Variants in PROSER3 observed in about 807,000 individuals in gnomAD.
The protein encoded by PROSER3 is proline and serine-rich protein 3.
In PROSER3, 33 loss-of-function variants were observed where a neutral mutation model predicts 50.2. The ratio of observed to expected loss-of-function variants is 0.66; its 90% confidence interval spans 0.50 to 0.88. The LOEUF is 0.88. Among genes scored for constraint, PROSER3 ranks in the 40% least tolerant of loss-of-function variants. The pLI is 0.00. For missense variants in PROSER3, 623 were observed against 612.7 expected (o/e 1.02, Z -0.18); for synonymous variants, 266 against 259.3 (o/e 1.03, Z -0.25).
At chr19:35,758,303 G>A in intron 1 of PROSER3, 77 bp downstream of exon 1, 1 of 1,499,124 alleles carries the variant, frequency 6.7e-7, no homozygotes. Context: ...CCTAGGACGG[G>A]CTGGATACGG....
chr19:35,768,153 A>G lies in PROSER3; in HGVS notation c.1220-2A>G. ...GAGCTCATTCTTTTCTCCCCGGCCC[A>G]GACTCCGACGGCAGCGAGTTCCAGG... On this transcript the variant is annotated splice_acceptor_variant, in intron 9 of 10. Transcript: ENST00000396908. LOFTEE classifies it high-confidence loss of function. The G allele has an allele frequency of 1.2e-6, 2 of 1,612,866 alleles. 1 individual carries two copies. Among genetic ancestry groups the G allele is most frequent in the South Asian group, 2.2e-5 (2 of 90,930 alleles).
At chr19:35,767,797 G>GGCCAAGGCCGAGTCTCTGAAA in intron 8 of PROSER3, 2 of 1,608,804 alleles carry the variant, frequency 1.2e-6, no homozygotes, top group Non-Finnish European at 1.7e-6. Context: ...CCCAGTGTCG[G>GGCCAAGGCCGAGTCTCTGAAA]GCCAAGGCCG....
rs1394962306 is a variant in PROSER3, at chr19:35,761,956, ATTATTC to A, written c.312-57_312-52del. The A allele has an allele frequency of 2.0e-5, 30 of 1,492,496 alleles. 1 individual carries two copies. The highest frequency in any genetic ancestry group is 1.9e-4 in the South Asian group (14 of 72,394). The allele number at this position is 1,492,496 out of a possible 1,614,324, so 92.5% of individuals were successfully genotyped here. ...TGCTTGGTAAACGTTGGCTGCTATA[ATTATTC>A]TTATTATTATTTGGCTCTCCTCACT... On this transcript the variant is annotated intron_variant, in intron 3 of 10. Transcript: ENST00000396908.
At chr19:35,760,115 G>C (rs1045831536) in intron 3 of PROSER3, 124 bp downstream of exon 3, 6 of 1,061,382 alleles carry the variant, frequency 5.7e-6, no homozygotes, top group Non-Finnish European at 8.0e-6. Context: ...GGCAGTTTAT[G>C]TGTGTTAAGA....
At chr19:35,767,907 C>G in exon 9 of PROSER3, 1 of 1,612,866 alleles carries the variant, frequency 6.2e-7, no homozygotes, top group Non-Finnish European at 8.5e-7. Flanking sequence ...CCCGAGGTCC[C>G]ACTCTCTCCA....
At chr19:35,767,498 CT>C in intron 8 of PROSER3, 1 of 422,014 alleles carries the variant, frequency 2.4e-6, no homozygotes, top group Non-Finnish European at 4.3e-6. Flanking sequence ...CCCCCAGGGC[CT>C]GCCCATCCCT....
At chr19:35,768,830 C>G (rs1351188642) in exon 11 of PROSER3, 4 of 275,208 alleles carry the variant, frequency 1.5e-5, no homozygotes, top group Non-Finnish European at 2.0e-5. Context: ...CTCAGGAGCC[C>G]TGGCTCAAAT....
chr19:35,767,588 G>C (rs539127094), intron 8 of PROSER3: 3 of 600,044 alleles, frequency 5.0e-6, no homozygotes, highest in Non-Finnish European at 8.7e-6. Flanking sequence ...AGAGGCTGCC[G>C]AGCAAGTCCC....
Position 35,767,911 on chromosome 19 carries a change from C to CTT in PROSER3, c.1066_1067insTT (p.Ser356PhefsTer68). 6.2e-7 allele frequency: 1 copy of CTT among 1,612,840 alleles called. No homozygotes were observed. Among genetic ancestry groups the CTT allele is most frequent in the Non-Finnish European group, 8.5e-7 (1 of 1,179,722 alleles). ...CCTGCCTGCAGCCCGAGGTCCCACT[C>CTT]TCTCCAGCTGAGCAGGCAACCACAG... is the stretch of plus-strand genomic sequence containing the variant. On this transcript the variant is annotated frameshift_variant, in exon 9 of 11. Coordinates refer to ENST00000396908, the Ensembl canonical transcript of PROSER3. LOFTEE classifies it high-confidence loss of function.
chr19:35,761,993 C>G (rs1419978242), intron 3 of PROSER3, 26 bp from the exon 4 acceptor site: 1 of 1,564,506 alleles, frequency 6.4e-7, no homozygotes, highest in Non-Finnish European at 8.7e-7. Flanking sequence ...TCACTCCACT[C>G]ACCTCCTATC....
intron 5 of PROSER3, 51 bp downstream of exon 5, chr19:35,762,407 G>A: frequency 6.8e-7 from 1 of 1,468,488 alleles, no homozygotes; most frequent in South Asian, 1.2e-5. Context: ...GACAACACCA[G>A]CCCTAGGACA....
At chr19:35,766,981 G>C in intron 8 of PROSER3, 26 bp downstream of exon 8, 1 of 1,534,358 alleles carries the variant, frequency 6.5e-7, no homozygotes, top group Non-Finnish European at 8.8e-7. Flanking sequence ...GAGGAGCCTG[G>C]GGGGAGCTGG....
At chr19:35,764,029 C>T (rs955806106) in intron 5 of PROSER3, among the ~76,000 whole-genome samples, 47 of 151,798 alleles carry the variant, frequency 3.1e-4, no homozygotes, top group Non-Finnish European at 5.4e-4. Context: ...CTCAAGCAAT[C>T]TTCCTGCCTC....
downstream of PROSER3, among the ~76,000 whole-genome samples, chr19:35,770,194 T>G (rs1971294048): frequency 2.0e-5 from 3 of 151,898 alleles, no homozygotes; most frequent in East Asian, 3.9e-4. Context: ...TGAGCCATCA[T>G]GCCTGGCAAT....
chr19:35,770,164 A>T (rs1042817873), downstream of PROSER3, among the ~76,000 whole-genome samples: 1 of 150,750 alleles, frequency 6.6e-6, no homozygotes, highest in African/African-American at 2.4e-5. Context: ...CAGCCTCCCA[A>T]AGCGCTGGGA....
chr19:35,766,771 C>G (rs772216441), exon 8 of PROSER3: 1 of 1,547,438 alleles, frequency 6.5e-7, no homozygotes, highest in Non-Finnish European at 8.7e-7. Context: ...CCTACAGCAT[C>G]CCCGGCACCA....
exon 11 of PROSER3, chr19:35,768,723 G>T (rs1220697726): frequency 3.3e-6 from 2 of 608,970 alleles, no homozygotes; most frequent in South Asian, 3.3e-5. Context: ...TCCTGACCAC[G>T]GAAACAAGAT....
chr19:35,759,791 C>A, exon 3 of PROSER3: 1 of 1,558,998 alleles, frequency 6.4e-7, no homozygotes, highest in Non-Finnish European at 8.7e-7. Flanking sequence ...GATCTTAGAC[C>A]CTGAGCCCAT....
intron 2 of PROSER3, 88 bp downstream of exon 2, chr19:35,759,558 A>T (rs1970885407): frequency 2.4e-6 from 3 of 1,265,054 alleles, no homozygotes; most frequent in Admixed American, 2.1e-5. Context: ...GATGAGAGAT[A>T]GGGATGAGAG....
Sources: allele counts gnomAD v4.1 joint callset (sites outside exome capture counted in the v4.1 genomes callset), GRCh38; gene constraint gnomAD v4.1.1; transcripts MANE v1.5; gene names NCBI Gene and HGNC (gene_info 2026-07-23, HGNC 2026-07-21).